Variants in ZNF568 observed in about 807,000 individuals in gnomAD.
ZNF568 encodes the protein p53 inhibitor of SCO2 activation.
A neutral mutation model predicts 18.1 loss-of-function variants in ZNF568; 11 were observed. That is an observed-to-expected ratio of 0.61 (90% CI 0.38 to 1.00). The LOEUF (loss-of-function observed/expected upper bound fraction) is 1.00, where lower values mean the gene tolerates loss of function less well. Ranked by LOEUF, ZNF568 falls within the 50% of genes least tolerant of loss-of-function variation. The pLI, the probability that ZNF568 is intolerant of heterozygous loss-of-function variation, is 0.01. For synonymous variants in ZNF568, 213 were observed against 246.6 expected, an observed-to-expected ratio of 0.86 and a Z score of 1.28; for missense variants, 639 against 768.2, an observed-to-expected ratio of 0.83 and a Z score of 1.99.
intron 2 of ZNF568, among the ~76,000 whole-genome samples, chr19:36,989,887 TGGAGTA>T (rs1375145850): frequency 1.3e-5 from 2 of 151,908 alleles, no homozygotes; most frequent in African/African-American, 4.8e-5. Flanking sequence ...AGAGTACTGA[TGGAGTA>T]GGAAAACCAA....
chr19:36,974,444 G>A, exon 7 of ZNF568: 2 of 1,536,124 alleles, frequency 1.3e-6, no homozygotes, highest in Non-Finnish European at 1.7e-6. Flanking sequence ...GAGAACTGCT[G>A]TGCGTCTGAA....
chr19:36,930,672 G>C (rs781442505), intron 4 of ZNF568, among the ~76,000 whole-genome samples: 1 of 152,086 alleles, frequency 6.6e-6, no homozygotes, highest in Non-Finnish European at 1.5e-5. Flanking sequence ...ATCTATTTCT[G>C]AAACATTCAT....
At chr19:36,972,482 A>G (rs1378073250) in intron 6 of ZNF568, among the ~76,000 whole-genome samples, 1 of 152,026 alleles carries the variant, frequency 6.6e-6, no homozygotes, top group African/African-American at 2.4e-5. Flanking sequence ...CCACATCCCC[A>G]AACCTCTAGG....
intron 6 of ZNF568, among the ~76,000 whole-genome samples, chr19:36,971,071 C>T (rs946415083): frequency 2.6e-5 from 4 of 151,882 alleles, no homozygotes; most frequent in African/African-American, 7.3e-5. Flanking sequence ...GATGAAACCT[C>T]GTCTCTACTA....
chr19:36,938,231 C>A (rs972046241), intron 6 of ZNF568, among the ~76,000 whole-genome samples: 22 of 151,992 alleles, frequency 1.4e-4, no homozygotes, highest in Non-Finnish European at 3.1e-4. Context: ...CCAAGTTTTC[C>A]CATTGTTGCT....
intron 6 of ZNF568, among the ~76,000 whole-genome samples, chr19:36,946,638 T>C (rs2073968994): frequency 6.7e-6 from 1 of 148,818 alleles, no homozygotes; most frequent in Non-Finnish European, 1.5e-5. Context: ...TTTAGTTTTT[T>C]TTTTTGTTTC....
chr19:36,955,454 G>A (rs2074100990), downstream of ZNF568, among the ~76,000 whole-genome samples: 2 of 152,118 alleles, frequency 1.3e-5, no homozygotes, highest in Non-Finnish European at 2.9e-5. Flanking sequence ...CTCAGAGTAG[G>A]TCTAAAAGGG....
chr19:36,955,194 C>CT (rs34883962), downstream of ZNF568, among the ~76,000 whole-genome samples: 2,571 of 147,928 alleles, frequency 0.017, 31 homozygotes, highest in African/African-American at 0.037. Flanking sequence ...ATTTGTGAGA[C>CT]TTTTTTTTTT....
chr19:36,937,303 T>C, intron 6 of ZNF568, 61 bp downstream of exon 6: 2 of 1,366,554 alleles, frequency 1.5e-6, no homozygotes, highest in Non-Finnish European at 1.0e-6. Flanking sequence ...CAGTGAAGGG[T>C]TGATATCATT....
chr19:36,966,667 T>C (rs1331631829), intron 6 of ZNF568, among the ~76,000 whole-genome samples: 2 of 152,194 alleles, frequency 1.3e-5, no homozygotes, highest in Admixed American at 1.3e-4. Context: ...GGTGTGGACA[T>C]TGAAGAGGGA....
chr19:36,958,616 C>CTTTTTTTTTTTT (rs35494587), intron 6 of ZNF568, among the ~76,000 whole-genome samples: 47 of 99,130 alleles, frequency 4.7e-4, no homozygotes, highest in African/African-American at 9.8e-4. Flanking sequence ...CTTTTTCTTT[C>CTTTTTTTTTTTT]TTTTTTTTTT....
At chr19:36,970,237 A>G (rs988422366) in intron 6 of ZNF568, among the ~76,000 whole-genome samples, 3 of 127,204 alleles carry the variant, frequency 2.4e-5, no homozygotes, top group Non-Finnish European at 5.2e-5. Flanking sequence ...ACATAACTAT[A>G]TAAATTTTAT....
intron 3 of ZNF568, 112 bp from the exon 4 acceptor site, chr19:36,925,088 G>T: frequency 1.2e-6 from 1 of 865,858 alleles, no homozygotes; most frequent in Non-Finnish European, 1.9e-6. Context: ...ATTTCTTATT[G>T]CTTCAAGGAT....
chr19:36,936,925 G>T lies in ZNF568; in HGVS notation c.262+53G>T. The stretch of plus-strand genomic sequence containing the variant: ...TAACAGAGAATTCTTTTCCATTTCT[G>T]AAATGTGTGAAGACTGTAACTTGCC... On this transcript the variant is annotated intron_variant, in intron 5 of 6. Transcript: ENST00000333987. The T allele has an allele frequency of 3.8e-6, 6 of 1,595,994 alleles. No homozygotes were observed. In the South Asian group the frequency reaches 6.7e-5, roughly 18 times the overall value.
At chr19:36,967,833 A>G (rs59678531) in intron 6 of ZNF568, among the ~76,000 whole-genome samples, 2,069 of 152,298 alleles carry the variant, frequency 0.014, 56 homozygotes, top group African/African-American at 0.047. Context: ...TCCTGTCTCC[A>G]TGGCAGATCA....
intron 6 of ZNF568, among the ~76,000 whole-genome samples, chr19:36,963,774 C>G (rs2074172708): frequency 6.6e-6 from 1 of 152,174 alleles, no homozygotes; most frequent in African/African-American, 2.4e-5. Flanking sequence ...TGAGACCATC[C>G]TAGCCAACAT....
intron 3 of ZNF568, among the ~76,000 whole-genome samples, chr19:36,924,576 C>T (rs1396297743): frequency 6.9e-6 from 1 of 144,262 alleles, no homozygotes; most frequent in Non-Finnish European, 1.5e-5. Flanking sequence ...CGCCTGTAAT[C>T]CCAGCACTTT....
Position 36,952,639 on chromosome 19 carries a change from G to A in ZNF568, c.*1551G>A. The A allele has an allele frequency of 3.9e-6, 1 of 255,382 alleles. No individual in the cohort carries two copies. The highest frequency in any genetic ancestry group is 6.1e-6 in the Non-Finnish European group (1 of 162,646). 15.8% of individuals were successfully genotyped at this position (255,382 alleles called of 1,614,324 possible). A position where few individuals can be genotyped will look rare whatever the true frequency, so the allele number is the denominator to read the frequency against. The stretch of plus-strand genomic sequence containing the variant: ...TCTGGAGATTGAATTTGAGGCTGTT[G>A]ATTAAAAGGAGACTTTAGCTTTGCT... On this transcript the variant is annotated 3_prime_UTR_variant, in exon 7 of 7. Coordinates refer to ENST00000333987, the MANE Select transcript of ZNF568 (RefSeq NM_198539.4).
At chr19:36,954,215 ACT>A (rs1287573817), downstream of ZNF568, among the ~76,000 whole-genome samples, 1 of 152,156 alleles carries the variant, frequency 6.6e-6, no homozygotes, top group East Asian at 1.9e-4. Context: ...ACACAGCAAG[ACT>A]CTGCCTCAAA....
Sources: allele counts gnomAD v4.1 joint callset (sites outside exome capture counted in the v4.1 genomes callset), GRCh38; gene constraint gnomAD v4.1.1; transcripts MANE v1.5; gene names NCBI Gene and HGNC (gene_info 2026-07-23, HGNC 2026-07-21).